The following SYNPR variants were observed in gnomAD, a reference collection of about 807,000 sequenced individuals.
The protein encoded by SYNPR is synaptoporin.
SYNPR carries 23 observed loss-of-function variants against 32.9 expected under a neutral mutation model. The observed-to-expected ratio is 0.70, with a 90% CI of 0.50 to 0.99. The LOEUF is 0.99. SYNPR is among the 50% of genes least tolerant of loss of function. The pLI is 0.00. For synonymous variants in SYNPR, 146 were observed against 135.9 expected, an observed-to-expected ratio of 1.07 and a Z score of -0.52; for missense variants, 318 against 349.3, an observed-to-expected ratio of 0.91 and a Z score of 0.71.
Position 63,537,205 on chromosome 3 carries a change from C to T in SYNPR, c.210-19338C>T, listed in dbSNP as rs1702224746. On this transcript the variant is annotated intron_variant, in intron 3 of 5. Transcript: ENST00000478300. ...CTGAGATGGTAAACTTGCAAAATGA[C>T]TTGTACCTCCCCAAACTTGCCATTT... Among the ~76,000 whole-genome samples, 4 of 152,036 alleles carry T rather than the reference C, an allele frequency of 2.6e-5. No homozygotes were observed. In the South Asian group the frequency reaches 8.3e-4, roughly 31 times the overall value.
chr3:63,363,196 C>T (rs192341062), intron 2 of SYNPR, among the ~76,000 whole-genome samples: 34 of 152,214 alleles, frequency 2.2e-4, no homozygotes, highest in East Asian at 1.2e-3. Flanking sequence ...TTACTTTGCC[C>T]GGCATATGTT....
At chr3:63,606,571 C>T (rs1048572770) in intron 4 of SYNPR, among the ~76,000 whole-genome samples, 1 of 151,600 alleles carries the variant, frequency 6.6e-6, no homozygotes, top group Admixed American at 6.6e-5. Flanking sequence ...GATAGGACTA[C>T]AGTCATGCCC....
intron 3 of SYNPR, among the ~76,000 whole-genome samples, chr3:63,538,154 G>A (rs951877336): frequency 2.0e-5 from 3 of 152,074 alleles, no homozygotes; most frequent in Admixed American, 6.6e-5. Flanking sequence ...ATTTGATCGT[G>A]AGGCTTTTTT....
intron 2 of SYNPR, among the ~76,000 whole-genome samples, chr3:63,291,792 C>T (rs9869490): frequency 0.015 from 2,217 of 152,072 alleles, 42 homozygotes; most frequent in African/African-American, 0.049. Flanking sequence ...AGCAACAGTA[C>T]GTAAATTTGA....
At chr3:63,495,203 T>C (rs944264726) in intron 3 of SYNPR, among the ~76,000 whole-genome samples, 2 of 152,242 alleles carry the variant, frequency 1.3e-5, no homozygotes, top group African/African-American at 2.4e-5. Flanking sequence ...CTAGCAGCTG[T>C]CACTTAGAGA....
intron 4 of SYNPR, among the ~76,000 whole-genome samples, chr3:63,581,227 G>A (rs192830990): frequency 6.6e-6 from 1 of 152,100 alleles, no homozygotes; most frequent in East Asian, 1.9e-4. Context: ...GTTCCAAAGC[G>A]ATACTTCATA....
intron 2 of SYNPR, among the ~76,000 whole-genome samples, chr3:63,375,400 G>C (rs1194888036): frequency 6.6e-6 from 1 of 152,118 alleles, no homozygotes; most frequent in Non-Finnish European, 1.5e-5. Flanking sequence ...CACAAAAAAG[G>C]ATGAGTTCAT....
Position 63,475,346 on chromosome 3 carries a change from G to C in SYNPR, c.85-5486G>C, listed in dbSNP as rs146516756. 2.8e-3 allele frequency among the ~76,000 whole-genome samples: 428 copies of C among 152,306 alleles called. 14 individuals carry two copies. In the East Asian group the frequency reaches 0.07, roughly 25 times the overall value. ...TCAAGGGAGGTGAATGATTGGGCCA[G>C]TGGTTATGATATTGATTATATTAGA... is the stretch of plus-strand genomic sequence containing the variant. On this transcript the variant is annotated intron_variant, in intron 2 of 5. Coordinates refer to ENST00000478300, the MANE Select transcript of SYNPR (RefSeq NM_001130003.2).
intron 2 of SYNPR, among the ~76,000 whole-genome samples, chr3:63,286,625 G>T (rs2086685677): frequency 1.3e-5 from 2 of 152,192 alleles, no homozygotes; most frequent in African/African-American, 4.8e-5. Context: ...TAGAAGAAAA[G>T]TAGAAAATCT....
intron 2 of SYNPR, among the ~76,000 whole-genome samples, chr3:63,324,398 G>C (rs910098362): frequency 6.6e-6 from 1 of 152,132 alleles, no homozygotes; most frequent in African/African-American, 2.4e-5. Context: ...CATTTATCCT[G>C]TAGCCAACGG....
At chr3:63,382,513 C>T (rs1435025970) in intron 2 of SYNPR, among the ~76,000 whole-genome samples, 3 of 152,146 alleles carry the variant, frequency 2.0e-5, no homozygotes, top group Non-Finnish European at 2.9e-5. Flanking sequence ...TTGTTCTTTT[C>T]GTGGTGCTTT....
chr3:63,245,689 G>A (rs2106884331), intron 1 of SYNPR, among the ~76,000 whole-genome samples: 1 of 66,484 alleles, frequency 1.5e-5, no homozygotes, highest in East Asian at 2.4e-4. Flanking sequence ...GTGAGAGAGA[G>A]AGAGAGAGAG....
chr3:63,328,059 T>C (rs1314222412), intron 2 of SYNPR, among the ~76,000 whole-genome samples: 1 of 152,196 alleles, frequency 6.6e-6, no homozygotes, highest in East Asian at 1.9e-4. Flanking sequence ...CCACATATGC[T>C]GAATTTAAAA....
At chr3:63,361,218 C>T (rs2087655629) in intron 2 of SYNPR, among the ~76,000 whole-genome samples, 1 of 152,054 alleles carries the variant, frequency 6.6e-6, no homozygotes, top group African/African-American at 2.4e-5. Context: ...GTTAAAATTA[C>T]ACCTGCAGGA....
At chr3:63,542,190 G>C (rs1273604289) in intron 3 of SYNPR, among the ~76,000 whole-genome samples, 1 of 152,080 alleles carries the variant, frequency 6.6e-6, no homozygotes, top group Non-Finnish European at 1.5e-5. Context: ...GTTTTCTTCT[G>C]TATTGGCCTC....
intron 2 of SYNPR, among the ~76,000 whole-genome samples, chr3:63,288,788 T>C (rs1034197835): frequency 2.0e-5 from 3 of 152,190 alleles, no homozygotes; most frequent in African/African-American, 4.8e-5. Flanking sequence ...AGGAAACTAA[T>C]TACTCATGGA....
At chr3:63,486,449 C>T (rs971667425) in intron 3 of SYNPR, among the ~76,000 whole-genome samples, 4 of 152,156 alleles carry the variant, frequency 2.6e-5, no homozygotes, top group Non-Finnish European at 5.9e-5. Flanking sequence ...CAGTGCAAAC[C>T]GGAACATTAA....
intron 2 of SYNPR, among the ~76,000 whole-genome samples, chr3:63,332,638 G>C (rs1040320591): frequency 6.6e-6 from 1 of 152,088 alleles, no homozygotes; most frequent in African/African-American, 2.4e-5. Flanking sequence ...GATGTCTCAG[G>C]CTTCTTCGAT....
intron 2 of SYNPR, among the ~76,000 whole-genome samples, chr3:63,281,179 C>T (rs2086626880): frequency 6.6e-6 from 1 of 152,160 alleles, no homozygotes; most frequent in Non-Finnish European, 1.5e-5. Flanking sequence ...TTCTGTTTGT[C>T]TCTGTTTCCC....
Sources: allele counts gnomAD v4.1 joint callset (sites outside exome capture counted in the v4.1 genomes callset), GRCh38; gene constraint gnomAD v4.1.1; transcripts MANE v1.5; gene names NCBI Gene and HGNC (gene_info 2026-07-23, HGNC 2026-07-21).